The following CFAP44 variants were observed in gnomAD, a reference collection of about 807,000 sequenced individuals.
The protein encoded by CFAP44 is cilia and flagella associated protein 44.
A neutral mutation model predicts 216.2 loss-of-function variants in CFAP44; 134 were observed. That is an observed-to-expected ratio of 0.62 (90% CI 0.54 to 0.72). The LOEUF (loss-of-function observed/expected upper bound fraction) is 0.72. Among genes scored for constraint, CFAP44 ranks in the 30% least tolerant of loss-of-function variants. The pLI is 0.00. For synonymous variants in CFAP44, 700 were observed against 727.6 expected, an observed-to-expected ratio of 0.96 and a Z score of 0.61; for missense variants, 2,035 against 2,182.1, an observed-to-expected ratio of 0.93 and a Z score of 1.34.
intron 32 of CFAP44, among the ~76,000 whole-genome samples, chr3:113,297,992 C>A (rs964067967): frequency 7.2e-5 from 11 of 152,246 alleles, no homozygotes; most frequent in Non-Finnish European, 1.5e-4. Context: ...GCCCCACGGA[C>A]ATGTATAATG....
chr3:113,404,043 G>A, intron 8 of CFAP44, 27 bp from the exon 9 acceptor site: 1 of 1,602,712 alleles, frequency 6.2e-7, no homozygotes, highest in Non-Finnish European at 8.5e-7. Flanking sequence ...AAAAAGAAAT[G>A]TGCATTAAAA....
At chr3:113,340,076 G>A (rs893871088) in intron 24 of CFAP44, among the ~76,000 whole-genome samples, 2 of 152,134 alleles carry the variant, frequency 1.3e-5, no homozygotes, top group South Asian at 2.1e-4. Flanking sequence ...GCTTTCTCCC[G>A]CCCTGCTCGT....
chr3:113,385,673 A>G (rs562663883), intron 15 of CFAP44, among the ~76,000 whole-genome samples: 1 of 151,622 alleles, frequency 6.6e-6, no homozygotes, highest in Admixed American at 6.6e-5. Context: ...CTGGGGTCTT[A>G]CTCTCACCCA....
intron 24 of CFAP44, among the ~76,000 whole-genome samples, chr3:113,336,135 A>T (rs1434519826): frequency 3.9e-5 from 6 of 152,182 alleles, no homozygotes; most frequent in Admixed American, 3.3e-4. Flanking sequence ...ATCAAAGCTT[A>T]TACACAAGTT....
chr3:113,364,121 G>A (rs112463782), intron 19 of CFAP44, among the ~76,000 whole-genome samples: 1 of 152,114 alleles, frequency 6.6e-6, no homozygotes, highest in Non-Finnish European at 1.5e-5. Context: ...TTTAAATTTG[G>A]GGGAACTAAA....
In CFAP44 at chr3:113,303,976, A is replaced by G; in HGVS notation, c.5017T>C (p.Trp1673Arg). The change falls in exon 32 of 35, where the codon TGG becomes CGG. Residue 1673 changes from tryptophan to arginine, a missense_variant. Physicochemically the swap from Trp to Arg is moderately radical, Grantham distance 101 (BLOSUM62 -3). Around this residue, in one of 3 missense-constraint regions of CFAP44, gnomAD observed 1,883 missense variants for 2,023.7 expected, o/e 0.93. Transcript: ENST00000393845. ...NSKQQKLNKE[W>R]RERRKQLIRE... The stretch of plus-strand genomic sequence containing the variant: ...ATGAGCTGTTTACGTCTCTCTCTCC[A>G]TTCTTTGTTAAGTTTTTGCTGCTTG... 3 of 1,537,438 alleles carry G rather than the reference A, an allele frequency of 2.0e-6. No homozygotes were observed. The highest frequency in any genetic ancestry group is 2.6e-6 in the Non-Finnish European group (3 of 1,146,954).
At chr3:113,385,673 ACT>A (rs1270086266) in intron 15 of CFAP44, among the ~76,000 whole-genome samples, 1 of 151,504 alleles carries the variant, frequency 6.6e-6, no homozygotes, top group Non-Finnish European at 1.5e-5. Context: ...CTGGGGTCTT[ACT>A]CTCACCCAGG....
intron 34 of CFAP44, 118 bp from the exon 35 acceptor site, chr3:113,291,866 T>C: frequency 8.9e-7 from 1 of 1,125,282 alleles, no homozygotes; most frequent in Non-Finnish European, 1.2e-6. Context: ...ACAGCCACTG[T>C]TCCTTAATCT....
At chr3:113,331,455 G>GT (rs143727609) in intron 25 of CFAP44, among the ~76,000 whole-genome samples, 4,373 of 151,946 alleles carry the variant, frequency 0.029, 110 homozygotes, top group East Asian at 0.1. Context: ...TAAACATACA[G>GT]TTTTTTAAAG....
At chr3:113,369,185 G>A (rs1355407625) in intron 18 of CFAP44, among the ~76,000 whole-genome samples, 2 of 152,120 alleles carry the variant, frequency 1.3e-5, no homozygotes, top group Non-Finnish European at 2.9e-5. Flanking sequence ...GAGACAGAAG[G>A]TTAACAACGA....
At chr3:113,332,285 G>C (rs1350485494) in intron 25 of CFAP44, among the ~76,000 whole-genome samples, 3 of 152,138 alleles carry the variant, frequency 2.0e-5, no homozygotes, top group Admixed American at 1.3e-4. Flanking sequence ...TTACTAAAAT[G>C]TCCAAATTGT....
At chr3:113,351,552 C>T (rs116447840) in intron 22 of CFAP44, among the ~76,000 whole-genome samples, 3,712 of 152,308 alleles carry the variant, frequency 0.024, 71 homozygotes, top group Non-Finnish European at 0.042. Flanking sequence ...CCAAAACCGC[C>T]AAGACCTAGA....
At chr3:113,419,077 A>G (rs1023241947) in intron 5 of CFAP44, among the ~76,000 whole-genome samples, 5 of 152,344 alleles carry the variant, frequency 3.3e-5, no homozygotes, top group African/African-American at 7.2e-5. Context: ...ACAAAATATT[A>G]AAATAGAAAT....
chr3:113,370,376 T>A lies in CFAP44; in HGVS notation c.2444+3035A>T, dbSNP rs185848564. Among the ~76,000 whole-genome samples, 83 of 152,330 alleles carry A rather than the reference T, an allele frequency of 5.4e-4. No individual in the cohort carries two copies. In the East Asian group the frequency reaches 0.016, roughly 29 times the overall value. ...ATCCAGCAGCACATCAAAAAGCTTA[T>A]CCACCACAATCCAGTGGGCTTCACC... On this transcript the variant is annotated intron_variant, in intron 18 of 34. Coordinates refer to ENST00000393845, the MANE Select transcript of CFAP44 (RefSeq NM_001164496.2).
intron 1 of CFAP44, among the ~76,000 whole-genome samples, chr3:113,437,891 C>T (rs761686533): frequency 6.6e-6 from 1 of 152,032 alleles, no homozygotes; most frequent in Non-Finnish European, 1.5e-5. Context: ...GGTTCACATC[C>T]CTGCTTGCCC....
At chr3:113,400,398 C>A in intron 12 of CFAP44, 147 bp downstream of exon 12, 1 of 570,318 alleles carries the variant, frequency 1.8e-6, no homozygotes, top group Non-Finnish European at 2.8e-6. Flanking sequence ...TGTGGCCTCT[C>A]CTCTCCACAG....
intron 20 of CFAP44, 77 bp from the exon 21 acceptor site, chr3:113,363,384 T>C (rs1950559829): frequency 6.4e-7 from 1 of 1,570,488 alleles, no homozygotes; most frequent in South Asian, 1.2e-5. Context: ...TATTCAATAA[T>C]TTGAAAATTC....
intron 22 of CFAP44, among the ~76,000 whole-genome samples, chr3:113,353,857 C>A (rs979983788): frequency 6.6e-6 from 1 of 152,046 alleles, no homozygotes; most frequent in Non-Finnish European, 1.5e-5. Context: ...ATCAGCACTG[C>A]ATAAGAAGGA....
chr3:113,390,819 T>C (rs1933776392), intron 15 of CFAP44, among the ~76,000 whole-genome samples: 1 of 151,962 alleles, frequency 6.6e-6, no homozygotes, highest in Non-Finnish European at 1.5e-5. Context: ...ATGACAACTA[T>C]AAAATATGGA....
Sources: allele counts gnomAD v4.1 joint callset (sites outside exome capture counted in the v4.1 genomes callset), GRCh38; gene constraint gnomAD v4.1.1; regional missense constraint gnomAD v4.1.1; transcripts MANE v1.5; gene names NCBI Gene and HGNC (gene_info 2026-07-23, HGNC 2026-07-21).